IL1RAPL1: variants seen among roughly 807,000 people sequenced by gnomAD.
IL1RAPL1 encodes the protein interleukin-1 receptor accessory protein-like 1.
Under a neutral mutation model 48.4 loss-of-function variants are expected in IL1RAPL1, and 3 were observed. The observed-to-expected ratio is 0.06, with a 90% confidence interval of 0.03 to 0.16. The LOEUF (loss-of-function observed/expected upper bound fraction) is 0.16. IL1RAPL1 is among the 10% of genes least tolerant of loss of function. IL1RAPL1 has a pLI of 1.00. For missense variants in IL1RAPL1, 349 were observed against 530.6 expected (o/e 0.66, Z 3.36); for synonymous variants, 185 against 187.7 (o/e 0.99, Z 0.12).
chrX:29,314,632 C>T (rs1405288351), intron 3 of IL1RAPL1, among the ~76,000 whole-genome samples: 1 of 112,374 alleles, frequency 8.9e-6, no homozygotes, highest in East Asian at 2.8e-4. Context: ...TGAGCGACAA[C>T]CTCTCTGAGT....
At chrX:29,237,980 G>A (rs1183950289) in intron 2 of IL1RAPL1, among the ~76,000 whole-genome samples, 2 of 112,451 alleles carry the variant, frequency 1.8e-5, no homozygotes, top group Non-Finnish European at 3.8e-5. Flanking sequence ...AAATTTATGG[G>A]GAGACTGTGG....
intron 5 of IL1RAPL1, among the ~76,000 whole-genome samples, chrX:29,588,859 A>T (rs1256685577): frequency 8.9e-6 from 1 of 112,177 alleles, no homozygotes; most frequent in Non-Finnish European, 1.9e-5. Context: ...GAACACTTCT[A>T]TATGTTAATC....
intron 2 of IL1RAPL1, among the ~76,000 whole-genome samples, chrX:28,959,241 TA>T (rs749289354): frequency 8.0e-4 from 89 of 111,823 alleles, no homozygotes; most frequent in African/African-American, 2.7e-3. Context: ...AAACTATTCA[TA>T]ACTTGCTCTT....
chrX:29,422,371 T>C (rs1168398365), intron 5 of IL1RAPL1, among the ~76,000 whole-genome samples: 1 of 111,336 alleles, frequency 9.0e-6, no homozygotes, highest in Admixed American at 9.5e-5. Context: ...GACTGCTTTT[T>C]CAGTTCAGCA....
chrX:28,945,984 G>A, intron 2 of IL1RAPL1, among the ~76,000 whole-genome samples: 1 of 106,905 alleles, frequency 9.4e-6, no homozygotes, highest in Middle Eastern at 4.9e-3. Context: ...CCAGTACATA[G>A]AAAAGCAAAT....
chrX:29,938,165 G>A (rs535522250), intron 8 of IL1RAPL1, among the ~76,000 whole-genome samples: 2 of 111,263 alleles, frequency 1.8e-5, no homozygotes, highest in Non-Finnish European at 3.8e-5. Context: ...TCCTATCTGG[G>A]TAATTACTTT....
chrX:29,921,040 G>A (rs1932844778), intron 8 of IL1RAPL1, among the ~76,000 whole-genome samples: 1 of 111,094 alleles, frequency 9.0e-6, no homozygotes, highest in Non-Finnish European at 1.9e-5. Context: ...ATAAGCTGTG[G>A]TTAAGTGCAA....
intron 1 of IL1RAPL1, among the ~76,000 whole-genome samples, chrX:28,712,001 A>G (rs1348202390): frequency 1.8e-5 from 2 of 111,043 alleles, no homozygotes; most frequent in African/African-American, 6.5e-5. Flanking sequence ...TTTCATCGCA[A>G]ACCTAAAGAG....
intron 5 of IL1RAPL1, among the ~76,000 whole-genome samples, chrX:29,484,781 G>A (rs1041254943): frequency 2.7e-5 from 3 of 111,896 alleles, no homozygotes; most frequent in Non-Finnish European, 5.6e-5. Context: ...TTTTAGTGGG[G>A]AAGACAGAAC....
chrX:29,279,655 C>T (rs1569275814), intron 2 of IL1RAPL1, among the ~76,000 whole-genome samples: 1 of 111,298 alleles, frequency 9.0e-6, no homozygotes, highest in Non-Finnish European at 1.9e-5. Flanking sequence ...TCCAAAGTGC[C>T]ATTTCTTCAT....
chrX:29,952,953 AT>A (rs898720739), intron 9 of IL1RAPL1, among the ~76,000 whole-genome samples: 1 of 111,800 alleles, frequency 8.9e-6, no homozygotes, highest in Non-Finnish European at 1.9e-5. Flanking sequence ...AAAAGTTATA[AT>A]CATAGAATGA....
intron 6 of IL1RAPL1, among the ~76,000 whole-genome samples, chrX:29,841,447 A>G (rs1931133857): frequency 9.0e-6 from 1 of 111,546 alleles, no homozygotes; most frequent in Non-Finnish European, 1.9e-5. Flanking sequence ...AAAGCTGAGC[A>G]TGTAAAAAGG....
chrX:29,290,153 G>A (rs1483772590), intron 3 of IL1RAPL1, among the ~76,000 whole-genome samples: 2 of 111,990 alleles, frequency 1.8e-5, no homozygotes, highest in Non-Finnish European at 3.8e-5. Context: ...TTACCTAAGA[G>A]AAAATAAGTG....
chrX:29,763,456 C>T (rs1928802171), intron 6 of IL1RAPL1, among the ~76,000 whole-genome samples: 1 of 110,669 alleles, frequency 9.0e-6, no homozygotes, highest in Non-Finnish European at 1.9e-5. Context: ...GTCTGATGTC[C>T]TCAGAATGAA....
intron 2 of IL1RAPL1, among the ~76,000 whole-genome samples, chrX:28,978,280 G>A (rs754390218): frequency 9.0e-6 from 1 of 111,248 alleles, no homozygotes; most frequent in Admixed American, 9.5e-5. Context: ...GGTCACCAAC[G>A]CAGGCCCATG....
intron 3 of IL1RAPL1, among the ~76,000 whole-genome samples, chrX:29,351,784 C>T (rs780998102): frequency 9.0e-6 from 1 of 111,717 alleles, no homozygotes; most frequent in Admixed American, 9.5e-5. Flanking sequence ...GTGTTCTTAA[C>T]TTTTGTGCTT....
intron 1 of IL1RAPL1, among the ~76,000 whole-genome samples, chrX:28,600,051 G>A (rs981020023): frequency 5.4e-5 from 6 of 111,489 alleles, no homozygotes; most frequent in Admixed American, 2.9e-4. Flanking sequence ...TGAGGGACTC[G>A]GCTGTGAGCC....
chrX:28,901,754 C>T (rs1018780060), intron 2 of IL1RAPL1, among the ~76,000 whole-genome samples: 6 of 111,777 alleles, frequency 5.4e-5, no homozygotes, highest in Admixed American at 4.8e-4. Flanking sequence ...TTTTCATTTG[C>T]GGTATTCTCC....
chrX:28,668,493 C>CG, intron 1 of IL1RAPL1, among the ~76,000 whole-genome samples: 1 of 113,345 alleles, frequency 8.8e-6, no homozygotes, highest in African/African-American at 3.2e-5. Context: ...CTCCTGACCT[C>CG]TGCATCCGCC....
Sources: allele counts gnomAD v4.1 joint callset (sites outside exome capture counted in the v4.1 genomes callset), GRCh38; gene constraint gnomAD v4.1.1; transcripts MANE v1.5; gene names NCBI Gene and HGNC (gene_info 2026-07-23, HGNC 2026-07-21).